Variants in MINDY4 observed in about 807,000 individuals in gnomAD.
MINDY4 encodes MINDY lysine 48 deubiquitinase 4.
In MINDY4, 68 loss-of-function variants were observed where a neutral mutation model predicts 87.0. The observed-to-expected ratio is 0.78, with a 90% CI of 0.64 to 0.96. The LOEUF (loss-of-function observed/expected upper bound fraction) is 0.96, where lower values mean the gene tolerates loss of function less well. MINDY4 is among the 40% of genes least tolerant of loss of function. The pLI, the probability that MINDY4 is intolerant of heterozygous loss-of-function variation, is 0.00. For missense variants in MINDY4, 919 were observed against 928.2 expected, an observed-to-expected ratio of 0.99 and a Z score of 0.13; for synonymous variants, 379 against 363.2, an observed-to-expected ratio of 1.04 and a Z score of -0.50.
chr7:30,859,823 G>A (rs377600596), intron 13 of MINDY4, among the ~76,000 whole-genome samples: 2 of 152,106 alleles, frequency 1.3e-5, no homozygotes, highest in Non-Finnish European at 2.9e-5. Context: ...GTGGCAGGGC[G>A]GCTTGTCCTA....
At chr7:30,821,578 A>G (rs192270090) in intron 5 of MINDY4, among the ~76,000 whole-genome samples, 173 of 152,290 alleles carry the variant, frequency 1.1e-3, no homozygotes, top group African/African-American at 4.0e-3. Flanking sequence ...TTACATGTCC[A>G]TTTGAATCTC....
intron 12 of MINDY4, chr7:30,858,458 C>T (rs1177433040): frequency 2.6e-5 from 4 of 151,970 alleles, no homozygotes; most frequent in Admixed American, 6.6e-5. Context: ...AGTGGCAGAG[C>T]GAGGATTTAA....
intron 2 of MINDY4, 157 bp from the exon 3 acceptor site, chr7:30,781,820 G>C (rs1787015644): frequency 1.6e-6 from 1 of 617,530 alleles, no homozygotes; most frequent in African/African-American, 1.8e-5. Context: ...CATAGTACCT[G>C]ACATATATAA....
At chr7:30,871,354 C>G (rs990012185) in intron 13 of MINDY4, among the ~76,000 whole-genome samples, 3 of 152,224 alleles carry the variant, frequency 2.0e-5, no homozygotes, top group African/African-American at 7.2e-5. Context: ...CCTTACAGGG[C>G]TCTGTTCAAC....
At chr7:30,825,501 A>T (rs1788471278) in intron 5 of MINDY4, among the ~76,000 whole-genome samples, 1 of 152,148 alleles carries the variant, frequency 6.6e-6, no homozygotes, top group Non-Finnish European at 1.5e-5. Flanking sequence ...CACTTGGGAG[A>T]TTTGGCCCTT....
In MINDY4 at chr7:30,791,365, C is replaced by CA; in HGVS notation, c.865dup (p.Ser289LysfsTer47). On this transcript the variant is annotated frameshift_variant, in exon 5 of 18. Transcript: ENST00000265299. LOFTEE classifies it high-confidence loss of function. The stretch of plus-strand genomic sequence containing the variant: ...TAGAAAGGCAGAAAACCACTGCCAG[C>CA]AGCCCTCCCCATCTGCCCAGCAAAC... 6.2e-7 allele frequency: 1 copy of CA among 1,614,138 alleles called. No individual in the cohort carries two copies. Among genetic ancestry groups the CA allele is most frequent in the Non-Finnish European group, 8.5e-7 (1 of 1,180,006 alleles).
In MINDY4 at chr7:30,853,239, G is replaced by A. The variant is rs189934119; in HGVS notation, c.1612-155G>A. 1.8e-3 allele frequency among the ~76,000 whole-genome samples: 274 copies of A among 152,336 alleles called. 2 individuals carry two copies. Among genetic ancestry groups the A allele is most frequent in the South Asian group, 2.3e-3 (11 of 4,828 alleles). On this transcript the variant is annotated intron_variant, in intron 11 of 17. Transcript: ENST00000265299. ...TTCACTCACATACAGGTATGGCCGT[G>A]CCTCTCAGCCCTGACTTGGAGATGC...
chr7:30,850,199 C>T (rs1010712474), intron 9 of MINDY4, among the ~76,000 whole-genome samples: 2 of 152,210 alleles, frequency 1.3e-5, no homozygotes, highest in African/African-American at 4.8e-5. Flanking sequence ...TCCTGTGGGC[C>T]CTTTCCTCTG....
intron 4 of MINDY4, among the ~76,000 whole-genome samples, chr7:30,790,388 A>G (rs572210235): frequency 6.6e-6 from 1 of 152,322 alleles, no homozygotes; most frequent in Non-Finnish European, 1.5e-5. Context: ...AAGCAGCCTC[A>G]CAGCAGTTAA....
In MINDY4 at chr7:30,888,016, T is replaced by C. The variant is rs377426480; in HGVS notation, c.2226-3941T>C. Among the ~76,000 whole-genome samples the C allele has an allele frequency of 2.6e-4, 39 of 152,302 alleles. 1 individual carries two copies. The highest frequency in any genetic ancestry group is 8.4e-4 in the African/African-American group (35 of 41,548). ...ATACAAGAGGCGTCCCTGGATGCTT[T>C]TCTACCAGTCAGGAGCTTTGAACTC... On this transcript the variant is annotated intron_variant, in intron 17 of 17. Coordinates refer to ENST00000265299, the MANE Select transcript of MINDY4 (RefSeq NM_032222.3).
At chr7:30,871,807 A>G (rs1184160534) in intron 13 of MINDY4, among the ~76,000 whole-genome samples, 1 of 152,234 alleles carries the variant, frequency 6.6e-6, no homozygotes, top group Non-Finnish European at 1.5e-5. Context: ...TCAAGGAAAC[A>G]TTAGAGTCCA....
intron 5 of MINDY4, among the ~76,000 whole-genome samples, chr7:30,809,750 A>G (rs1041774134): frequency 1.3e-5 from 2 of 152,016 alleles, no homozygotes; most frequent in African/African-American, 4.8e-5. Context: ...ACATAAAGGA[A>G]GTTTGCTTTG....
At chr7:30,828,577 A>T in intron 5 of MINDY4, 102 bp from the exon 6 acceptor site, 1 of 1,194,000 alleles carries the variant, frequency 8.4e-7, no homozygotes, top group Non-Finnish European at 1.2e-6. Flanking sequence ...GACTAGAGAG[A>T]CTTGTCTCCT....
intron 3 of MINDY4, among the ~76,000 whole-genome samples, chr7:30,785,073 C>CTT (rs70983391): frequency 0.069 from 9,822 of 141,470 alleles, 452 homozygotes; most frequent in Middle Eastern, 0.13. Context: ...CTCTTGCCTT[C>CTT]TTTTTTTTTT....
intron 8 of MINDY4, among the ~76,000 whole-genome samples, chr7:30,839,651 T>C (rs1788973224): frequency 6.6e-6 from 1 of 151,516 alleles, no homozygotes; most frequent in Non-Finnish European, 1.5e-5. Flanking sequence ...GGGGCCTTCT[T>C]AGGCTGATCA....
intron 13 of MINDY4, among the ~76,000 whole-genome samples, chr7:30,871,447 C>A (rs1211850530): frequency 2.0e-5 from 3 of 152,194 alleles, no homozygotes; most frequent in Admixed American, 2.0e-4. Context: ...AGCAGGACAG[C>A]AAGCCGGGAA....
intron 13 of MINDY4, among the ~76,000 whole-genome samples, chr7:30,863,382 A>G (rs1789827345): frequency 6.6e-6 from 1 of 151,986 alleles, no homozygotes; most frequent in Non-Finnish European, 1.5e-5. Flanking sequence ...GATGGGAGAG[A>G]TTGGTGACAC....
At chr7:30,866,276 G>C (rs1768259156) in intron 13 of MINDY4, among the ~76,000 whole-genome samples, 1 of 152,232 alleles carries the variant, frequency 6.6e-6, no homozygotes, top group African/African-American at 2.4e-5. Flanking sequence ...CAGGTGCGCA[G>C]AGAAAGAGGA....
At chr7:30,808,558 C>T (rs537914020) in intron 5 of MINDY4, among the ~76,000 whole-genome samples, 9 of 152,078 alleles carry the variant, frequency 5.9e-5, no homozygotes, top group Non-Finnish European at 5.9e-5. Context: ...CAAAGTAAGC[C>T]CACCCCACTA....
Sources: allele counts gnomAD v4.1 joint callset (sites outside exome capture counted in the v4.1 genomes callset), GRCh38; gene constraint gnomAD v4.1.1; transcripts MANE v1.5; gene names NCBI Gene and HGNC (gene_info 2026-07-23, HGNC 2026-07-21).